The following TMEFF1 variants were observed in gnomAD, a reference collection of about 807,000 sequenced individuals.
TMEFF1 encodes the protein tomoregulin-1.
In TMEFF1, 20 loss-of-function variants were observed where a neutral mutation model predicts 47.5. The observed-to-expected ratio is 0.42, with a 90% CI of 0.30 to 0.61. The LOEUF (loss-of-function observed/expected upper bound fraction) is 0.61. Among genes scored for constraint, TMEFF1 ranks in the 20% least tolerant of loss-of-function variants. TMEFF1 has a pLI of 0.19. For missense variants in TMEFF1, 411 were observed against 471.1 expected (o/e 0.87, Z 1.18); for synonymous variants, 162 against 166.3 (o/e 0.97, Z 0.20).
At chr9:100,496,753 G>A (rs1387029275) in intron 1 of TMEFF1, among the ~76,000 whole-genome samples, 1 of 152,184 alleles carries the variant, frequency 6.6e-6, no homozygotes, top group African/African-American at 2.4e-5. Context: ...TCATAACTCA[G>A]AGTATTATCT....
rs145865601 is a variant in TMEFF1 at position 100,517,353 on chromosome 9, G to A, written c.560+582G>A. Reference sequence around the variant, plus strand: ...TAAATGGATCTTCTTCACTTCCTCAGTTTTCACTTAGTATCTATTTTAAAA... The same window carrying A: ...TAAATGGATCTTCTTCACTTCCTCAATTTTCACTTAGTATCTATTTTAAAA... On this transcript the variant is annotated intron_variant, in intron 5 of 9. Transcript: ENST00000374879. Among the ~76,000 whole-genome samples the A allele has an allele frequency of 4.4e-3, 676 of 152,130 alleles. 6 individuals are homozygous for A. Among genetic ancestry groups the A allele is most frequent in the African/African-American group, 0.015 (639 of 41,500 alleles).
At chr9:100,500,460 T>G (rs1837737891) in intron 2 of TMEFF1, among the ~76,000 whole-genome samples, 1 of 152,186 alleles carries the variant, frequency 6.6e-6, no homozygotes, top group South Asian at 2.1e-4. Context: ...TTCCTGTTCT[T>G]TACATTAGAT....
chr9:100,493,090 C>G (rs565860064), intron 1 of TMEFF1, among the ~76,000 whole-genome samples: 2 of 152,000 alleles, frequency 1.3e-5, no homozygotes, highest in African/African-American at 2.4e-5. Context: ...CTCTCCCCCC[C>G]ACAGGATGTG....
intron 4 of TMEFF1, among the ~76,000 whole-genome samples, 198 bp downstream of exon 4, chr9:100,513,531 A>G (rs1016057672): frequency 6.6e-6 from 1 of 152,006 alleles, no homozygotes; most frequent in Non-Finnish European, 1.5e-5. Flanking sequence ...TTATATATTC[A>G]TCACCACAGT....
At chr9:100,501,019 C>G (rs1837746248) in intron 2 of TMEFF1, among the ~76,000 whole-genome samples, 1 of 152,200 alleles carries the variant, frequency 6.6e-6, no homozygotes, top group Admixed American at 6.5e-5. Flanking sequence ...TACGCGGAAA[C>G]TGGGACTCCC....
intron 2 of TMEFF1, among the ~76,000 whole-genome samples, chr9:100,501,377 TTTGA>T (rs1200225383): frequency 2.0e-5 from 3 of 152,196 alleles, no homozygotes; most frequent in Admixed American, 1.3e-4. Context: ...TTTATTTGCA[TTTGA>T]TTACTAGAGA....
chr9:100,516,584 C>A, intron 4 of TMEFF1, 91 bp from the exon 5 acceptor site: 1 of 1,474,988 alleles, frequency 6.8e-7, no homozygotes, highest in Non-Finnish European at 9.0e-7. Flanking sequence ...ACATTTTCCT[C>A]AGAAACAGGA....
chr9:100,491,005 A>G (rs186243485), intron 1 of TMEFF1, among the ~76,000 whole-genome samples: 5 of 152,108 alleles, frequency 3.3e-5, no homozygotes, highest in African/African-American at 4.8e-5. Context: ...AGTGCCTGGC[A>G]GGTTTTTCAT....
intron 3 of TMEFF1, among the ~76,000 whole-genome samples, chr9:100,509,664 C>T (rs1205500539): frequency 6.6e-6 from 1 of 151,854 alleles, no homozygotes; most frequent in Non-Finnish European, 1.5e-5. Context: ...GTCCCAGCTA[C>T]TCGGGAGGCT....
At position 100,576,890 on chromosome 9, in the gene TMEFF1, A is replaced by G. The variant is rs1839363015; in HGVS notation, c.*290A>G. On this transcript the variant is annotated 3_prime_UTR_variant, in exon 10 of 10. Coordinates refer to ENST00000374879, the MANE Select transcript of TMEFF1 (RefSeq NM_003692.5). ...TTTGCAAAGATGGACTACTTCACAA[A>G]TGGTTATAAAGTCATATCCACTTCT... 1 of 243,228 alleles carries G rather than the reference A, an allele frequency of 4.1e-6. No individual in the cohort carries two copies. The highest frequency in any genetic ancestry group is 8.0e-6 in the Non-Finnish European group (1 of 125,462). 15.1% of individuals were successfully genotyped at this position (243,228 alleles called of 1,614,324 possible). A position where few individuals can be genotyped will look rare whatever the true frequency, so the allele number is the denominator to read the frequency against.
intron 7 of TMEFF1, among the ~76,000 whole-genome samples, chr9:100,553,686 G>A (rs1445761827): frequency 6.6e-6 from 1 of 152,190 alleles, no homozygotes; most frequent in Non-Finnish European, 1.5e-5. Context: ...TTGTATGGGA[G>A]ATGGGTATGT....
chr9:100,550,681 A>G (rs374971499), intron 7 of TMEFF1, among the ~76,000 whole-genome samples: 4 of 152,226 alleles, frequency 2.6e-5, no homozygotes, highest in African/African-American at 2.4e-5. Context: ...AGCCCACTCT[A>G]TTATAACTGC....
At chr9:100,495,970 C>T (rs1024411547) in intron 1 of TMEFF1, among the ~76,000 whole-genome samples, 1 of 152,222 alleles carries the variant, frequency 6.6e-6, no homozygotes, top group Admixed American at 6.5e-5. Context: ...CCGACACTAC[C>T]ATCTCCTTGG....
chr9:100,562,027 A>G (rs184743959), intron 8 of TMEFF1, among the ~76,000 whole-genome samples: 3 of 152,282 alleles, frequency 2.0e-5, no homozygotes, highest in Admixed American at 2.0e-4. Flanking sequence ...GCAAGTTAGA[A>G]ATAGAGCTGG....
chr9:100,508,370 C>T (rs1052322292), intron 2 of TMEFF1, among the ~76,000 whole-genome samples: 7 of 152,046 alleles, frequency 4.6e-5, no homozygotes, highest in African/African-American at 1.7e-4. Flanking sequence ...TTCTACTCAT[C>T]TTTCAGGGCT....
intron 7 of TMEFF1, among the ~76,000 whole-genome samples, chr9:100,555,779 C>T (rs1838904480): frequency 6.6e-6 from 1 of 152,164 alleles, no homozygotes; most frequent in Non-Finnish European, 1.5e-5. Context: ...TATTATGGTT[C>T]ATAAGTGACA....
intron 2 of TMEFF1, among the ~76,000 whole-genome samples, chr9:100,508,297 A>G (rs978129994): frequency 6.6e-6 from 1 of 152,180 alleles, no homozygotes; most frequent in South Asian, 2.1e-4. Context: ...AGGTTTTCCT[A>G]CATGCAGGTC....
chr9:100,521,321 T>C (rs1245310850), intron 5 of TMEFF1, among the ~76,000 whole-genome samples: 2 of 152,216 alleles, frequency 1.3e-5, no homozygotes, highest in Non-Finnish European at 2.9e-5. Context: ...TGGGCTTTGC[T>C]TGGGTTTGTG....
At chr9:100,516,580 T>C in intron 4 of TMEFF1, 95 bp from the exon 5 acceptor site, 1 of 1,462,012 alleles carries the variant, frequency 6.8e-7, no homozygotes, top group South Asian at 1.4e-5. Flanking sequence ...AGGTACATTT[T>C]CCTCAGAAAC....
Sources: allele counts gnomAD v4.1 joint callset (sites outside exome capture counted in the v4.1 genomes callset), GRCh38; gene constraint gnomAD v4.1.1; transcripts MANE v1.5; gene names NCBI Gene and HGNC (gene_info 2026-07-23, HGNC 2026-07-21).